Variants in SIM2 observed in about 807,000 individuals in gnomAD.
SIM2 encodes single-minded homolog 2.
A neutral mutation model predicts 64.8 loss-of-function variants in SIM2; 28 were observed. The observed-to-expected ratio is 0.43, with a 90% CI of 0.32 to 0.59. SIM2 has a LOEUF of 0.59. Ranked by LOEUF, SIM2 falls within the 20% of genes least tolerant of loss-of-function variation. The pLI is 0.07. For synonymous variants in SIM2, 408 were observed against 391.1 expected, an observed-to-expected ratio of 1.04 and a Z score of -0.51; for missense variants, 847 against 871.4, an observed-to-expected ratio of 0.97 and a Z score of 0.35.
chr21:36,703,166 C>A (rs1158293272), intron 1 of SIM2, among the ~76,000 whole-genome samples: 4 of 152,146 alleles, frequency 2.6e-5, no homozygotes, highest in African/African-American at 9.7e-5. Flanking sequence ...CATAGATCTC[C>A]TCAGTTGTTA....
At chr21:36,723,002 C>A (rs752151854) in intron 4 of SIM2, 43 bp from the exon 5 acceptor site, 29 of 1,489,272 alleles carry the variant, frequency 1.9e-5, no homozygotes, top group Non-Finnish European at 2.2e-5. Context: ...ATGGGGGAAG[C>A]ACGGAGGGAC....
Position 36,723,741 on chromosome 21 carries a change from C to G in SIM2, c.543+611C>G, listed in dbSNP as rs1362283713. 3.3e-5 allele frequency among the ~76,000 whole-genome samples: 5 copies of G among 152,342 alleles called. No homozygotes were observed. In the East Asian group the frequency reaches 7.7e-4, roughly 24 times the overall value. ...GCGGAGCTGGGACTCTGAGCCCAGC[C>G]CATGCTCCTCCCTGGCTCCACGTCT... On this transcript the variant is annotated intron_variant, in intron 5 of 10. Transcript: ENST00000290399.
chr21:36,722,604 C>A (rs889918412), intron 4 of SIM2, among the ~76,000 whole-genome samples: 21 of 151,838 alleles, frequency 1.4e-4, no homozygotes, highest in Non-Finnish European at 2.9e-4. Flanking sequence ...AAGGGCAGAG[C>A]CCTGGAGAGA....
chr21:36,745,898 C>G lies in SIM2; in HGVS notation c.1576+762C>G, dbSNP rs2089222574. On this transcript the variant is annotated intron_variant, in intron 10 of 10. Transcript: ENST00000290399. This position sits in a 1 kb window ranked among gnomAD's most constrained non-coding sequence, Gnocchi z 4.8. ...CCAGGCAGAAGGTGGAAGGTGGGAA[C>G]AGAGGTTTAGCTGCAGGACATGTAT... 3.9e-6 allele frequency: 5 copies of G among 1,295,480 alleles called. No individual in the cohort carries two copies. Among genetic ancestry groups the G allele is most frequent in the Non-Finnish European group, 4.1e-6 (4 of 983,024 alleles). The allele number at this position is 1,295,480 out of a possible 1,614,324, so 80.2% of individuals were successfully genotyped here.
chr21:36,712,502 A>T, intron 2 of SIM2, 31 bp from the exon 3 acceptor site: 1 of 1,423,798 alleles, frequency 7.0e-7, no homozygotes. Context: ...TAGAATGATC[A>T]TCTCTTATTC....
intron 1 of SIM2, among the ~76,000 whole-genome samples, chr21:36,708,569 C>T (rs1342673150): frequency 1.3e-5 from 2 of 152,148 alleles, no homozygotes; most frequent in Non-Finnish European, 2.9e-5. Context: ...GAGAAGGTTT[C>T]GGATTGGAAG....
At chr21:36,712,912 A>G (rs2088696805) in intron 3 of SIM2, among the ~76,000 whole-genome samples, 1 of 152,214 alleles carries the variant, frequency 6.6e-6, no homozygotes, top group Non-Finnish European at 1.5e-5. Context: ...CTGCTTATGT[A>G]GTAATGCTAG....
At chr21:36,727,175 C>T (rs2123466146) in intron 6 of SIM2, among the ~76,000 whole-genome samples, 1 of 152,248 alleles carries the variant, frequency 6.6e-6, no homozygotes, top group East Asian at 1.9e-4. Flanking sequence ...GCTGGGATTC[C>T]AGGCACCCAC....
intron 7 of SIM2, among the ~76,000 whole-genome samples, chr21:36,739,158 T>C (rs895327867): frequency 6.6e-6 from 1 of 152,254 alleles, no homozygotes; most frequent in African/African-American, 2.4e-5. Flanking sequence ...TTCAGTCAGA[T>C]AAAAGTTAAT....
chr21:36,719,958 C>A lies in SIM2; in HGVS notation c.457+29C>A, dbSNP rs78455239. ...TTCCATCCAGAGGGAAAAAAAAAAA[C>A]AGACTAAAAGCAAGGCGACATTCTT... is the stretch of plus-strand genomic sequence containing the variant. On this transcript the variant is annotated intron_variant, in intron 4 of 10. Transcript: ENST00000290399. 3.1e-5 allele frequency: 40 copies of A among 1,303,142 alleles called. No individual in the cohort carries two copies. In the African/African-American group the frequency reaches 5.8e-4, roughly 19 times the overall value. The allele number at this position is 1,303,142 out of a possible 1,614,324, so 80.7% of individuals were successfully genotyped here.
At position 36,744,747 on chromosome 21, in the gene SIM2, T is replaced by C. The variant is rs775774217; in HGVS notation, c.1187T>C (p.Met396Thr). Residue 396 changes from methionine (M) to threonine (T), a missense_variant, in exon 10 of 11, where the codon ATG (methionine) becomes ACG (threonine). Met to Thr is a moderately conservative substitution (Grantham distance 81). Around this residue, in one of 3 missense-constraint regions of SIM2, gnomAD observed 447 missense variants for 414.6 expected, o/e 1.08. Coordinates refer to ENST00000290399, the MANE Select transcript of SIM2 (RefSeq NM_005069.6). ...ATGCAGCAATACAGCTCGTTCCAAATGGACAAACTGGAATGCGGCCAGCTC... is the reference window on the plus strand; with the variant it reads ...ATGCAGCAATACAGCTCGTTCCAAACGGACAAACTGGAATGCGGCCAGCTC... ...YPPQQYSSFQMDKLECGQLGN... is the reference protein window; with the variant it reads ...YPPQQYSSFQTDKLECGQLGN... 23 of 1,607,366 alleles carry C rather than the reference T, an allele frequency of 1.4e-5. No homozygotes were observed. The African/African-American group carries it at 2.8e-4, about 20-fold the overall frequency.
At chr21:36,710,111 C>G (rs1161648861) in intron 2 of SIM2, 1 of 153,678 alleles carries the variant, frequency 6.5e-6, no homozygotes, top group African/African-American at 2.4e-5. Flanking sequence ...CGCGTCCTGC[C>G]TTGATTCTGT....
chr21:36,737,077 C>G (rs578246384), intron 7 of SIM2, among the ~76,000 whole-genome samples: 3 of 152,092 alleles, frequency 2.0e-5, no homozygotes, highest in Non-Finnish European at 4.4e-5. Context: ...CAGGCATGTA[C>G]CACCATACCC....
chr21:36,707,625 G>A (rs948461743), intron 1 of SIM2, among the ~76,000 whole-genome samples: 2 of 151,552 alleles, frequency 1.3e-5, no homozygotes, highest in Non-Finnish European at 2.9e-5. Context: ...TTTAGTTGCC[G>A]AATAGGGAAG....
In SIM2 at chr21:36,726,004, G is replaced by T; in HGVS notation, c.544-115G>T. The stretch of plus-strand genomic sequence containing the variant: ...CTGTCAGCACATTGGGCCGCACAGT[G>T]GAGTAGAGGCTGGGCTGGGAGATAT... On this transcript the variant is annotated intron_variant, in intron 5 of 10. Transcript: ENST00000290399. The surrounding 1 kb of genome is among the most constrained non-coding windows in gnomAD (Gnocchi z 4.5). 1 of 817,710 alleles carries T rather than the reference G, an allele frequency of 1.2e-6. No homozygotes were observed. The highest frequency in any genetic ancestry group is 1.7e-5 in the African/African-American group (1 of 60,370). The allele number at this position is 817,710 out of a possible 1,614,324, so 50.7% of individuals were successfully genotyped here. A position where few individuals can be genotyped will look rare whatever the true frequency, so the allele number is the denominator to read the frequency against.
intron 7 of SIM2, among the ~76,000 whole-genome samples, chr21:36,731,921 T>C (rs1211206446): frequency 1.3e-5 from 2 of 152,198 alleles, no homozygotes; most frequent in Admixed American, 1.3e-4. Context: ...CTTGTTCTGT[T>C]GCCCAGGCTG....
Position 36,748,264 on chromosome 21 carries a change from A to C in SIM2, c.*172A>C. 2 of 282,550 alleles carry C rather than the reference A, an allele frequency of 7.1e-6. No individual in the cohort carries two copies. The allele number at this position is 282,550 out of a possible 1,614,324, so 17.5% of individuals were successfully genotyped here. A position where few individuals can be genotyped will look rare whatever the true frequency, so the allele number is the denominator to read the frequency against. ...GCGGAGGCCCCGCGCGCCGGTGCCG[A>C]GGGCCGAGGAGCGCCCGGGTCCGGG... On this transcript the variant is annotated 3_prime_UTR_variant, in exon 11 of 11. Transcript: ENST00000290399.
At chr21:36,728,895 C>T (rs564152595) in intron 6 of SIM2, among the ~76,000 whole-genome samples, 3 of 152,364 alleles carry the variant, frequency 2.0e-5, no homozygotes, top group Admixed American at 6.5e-5. Flanking sequence ...CCAGACACAA[C>T]TGAACTCGCC....
Position 36,715,233 on chromosome 21 carries a change from CT to C in SIM2, c.348+2612del, listed in dbSNP as rs200966030. On this transcript the variant is annotated intron_variant, in intron 3 of 10. Coordinates refer to ENST00000290399, the MANE Select transcript of SIM2 (RefSeq NM_005069.6). ...ACAACTTTTCTCTCAAATCTTCCCC[CT>C]GTTCATGATTAACTCCATAGAAGGA... Among the ~76,000 whole-genome samples, 770 of 152,286 alleles carry C rather than the reference CT, an allele frequency of 5.1e-3. 17 individuals are homozygous for C. Among genetic ancestry groups the C allele is most frequent in the Non-Finnish European group, 3.0e-3 (202 of 68,022 alleles).
Sources: gnomAD v4.1 joint callset for allele counts (sites outside exome capture counted in the v4.1 genomes callset) on GRCh38, gnomAD v4.1.1 for gene constraint, gnomAD v4.1.1 regional missense constraint, Gnocchi (gnomAD v3.1) non-coding constraint, MANE v1.5 for transcripts, NCBI Gene and HGNC (gene_info 2026-07-23, HGNC 2026-07-21) for gene names.